The following UBR3 variants were observed in gnomAD, a reference collection of about 807,000 sequenced individuals.
The protein encoded by UBR3 is ubiquitin protein ligase E3 component n-recognin 3.
UBR3 carries 85 observed loss-of-function variants against 243.2 expected under a neutral mutation model. That is an observed-to-expected ratio of 0.35 (90% confidence interval 0.29 to 0.42). The LOEUF (loss-of-function observed/expected upper bound fraction) is 0.42, where lower values mean the gene tolerates loss of function less well. UBR3 is among the 10% of genes least tolerant of loss of function. The probability of loss-of-function intolerance (pLI) is 1.00; values close to 1 mark genes in which losing one functional copy is unlikely to be tolerated. For missense variants in UBR3, 1,686 were observed against 2,300.8 expected, an observed-to-expected ratio of 0.73 and a Z score of 5.47; for synonymous variants, 748 against 799.8, an observed-to-expected ratio of 0.94 and a Z score of 1.09.
intron 19 of UBR3, among the ~76,000 whole-genome samples, chr2:169,939,252 T>C (rs1466764934): frequency 6.6e-6 from 1 of 150,824 alleles, no homozygotes; most frequent in Non-Finnish European, 1.5e-5. Flanking sequence ...TTTCCTCTAT[T>C]ACTTATTAAC....
At chr2:169,956,261 A>G (rs2087287351) in intron 23 of UBR3, among the ~76,000 whole-genome samples, 1 of 12,292 alleles carries the variant, frequency 8.1e-5, no homozygotes, top group Non-Finnish European at 2.6e-4. Context: ...GATATATTTA[A>G]CTTTTTTAGT....
In UBR3 at chr2:169,846,709, C is replaced by G. The variant is rs546285976; in HGVS notation, c.545+18657C>G. 1.4e-4 allele frequency among the ~76,000 whole-genome samples: 16 copies of G among 114,746 alleles called. 1 individual carries two copies. In the South Asian group the frequency reaches 4.5e-3, roughly 32 times the overall value. The allele number at this position is 114,746 out of a possible 152,430, so 75.3% of individuals were successfully genotyped here. A position where few individuals can be genotyped will look rare whatever the true frequency, so the allele number is the denominator to read the frequency against. ...TGGGCAACAGGGCAAGACTCTGTCT[C>G]AAAAAAAAAAAAAAAAAATCTTCTT... is the stretch of plus-strand genomic sequence containing the variant. On this transcript the variant is annotated intron_variant, in intron 1 of 38. Coordinates refer to ENST00000272793, the MANE Select transcript of UBR3 (RefSeq NM_172070.4).
intron 11 of UBR3, among the ~76,000 whole-genome samples, chr2:169,923,308 T>C (rs1045673301): frequency 2.0e-5 from 3 of 152,196 alleles, no homozygotes; most frequent in Non-Finnish European, 2.9e-5. Context: ...AGAGTCTTCT[T>C]ACAGTTTTGA....
At chr2:169,876,558 A>ATTGTG (rs1464756260) in intron 3 of UBR3, among the ~76,000 whole-genome samples, 3 of 150,260 alleles carry the variant, frequency 2.0e-5, no homozygotes, top group South Asian at 4.2e-4. Context: ...ATTGTATTGT[A>ATTGTG]TTGTATTGTA....
intron 11 of UBR3, among the ~76,000 whole-genome samples, chr2:169,920,473 G>A (rs11901073): frequency 0.5 from 64,378 of 129,612 alleles, 15,244 homozygotes; most frequent in Non-Finnish European, 0.6. Context: ...TAATAATAAA[G>A]TAAAAGCAGT....
At chr2:170,037,037 A>T (rs190941570) in intron 31 of UBR3, among the ~76,000 whole-genome samples, 1 of 152,298 alleles carries the variant, frequency 6.6e-6, no homozygotes, top group Non-Finnish European at 1.5e-5. Context: ...TTAAAACTAT[A>T]TAACGTACTT....
chr2:170,049,422 T>C (rs531892044), intron 32 of UBR3, among the ~76,000 whole-genome samples: 1 of 152,280 alleles, frequency 6.6e-6, no homozygotes, highest in East Asian at 1.9e-4. Flanking sequence ...AGAAAATCCT[T>C]GTATGAGTAG....
chr2:170,012,193 CAAA>C (rs2090104524), intron 29 of UBR3, among the ~76,000 whole-genome samples: 2 of 151,858 alleles, frequency 1.3e-5, no homozygotes, highest in Admixed American at 6.6e-5. Context: ...TTTAAAAAAA[CAAA>C]AAATTCTTTC....
chr2:169,914,851 T>C (rs1272369920), intron 11 of UBR3, among the ~76,000 whole-genome samples: 1 of 10,176 alleles, frequency 9.8e-5, no homozygotes, highest in East Asian at 0.017. Flanking sequence ...TTATCTCTTG[T>C]GTGTGTGTGT....
chr2:169,890,541 A>AGATATATATATATG, intron 5 of UBR3, among the ~76,000 whole-genome samples: 1 of 43,138 alleles, frequency 2.3e-5, no homozygotes, highest in Non-Finnish European at 3.9e-5. Context: ...AGAGAGAGAG[A>AGATATATATATATG]TATATATATA....
chr2:169,856,640 G>A (rs542905273), intron 1 of UBR3, among the ~76,000 whole-genome samples: 5 of 152,178 alleles, frequency 3.3e-5, no homozygotes, highest in Non-Finnish European at 5.9e-5. Flanking sequence ...AGACCAGCCC[G>A]GCCAACACGG....
intron 1 of UBR3, among the ~76,000 whole-genome samples, chr2:169,845,513 GTCGTCGTCGTCGTCGTCGTCT>G (rs2082440166): frequency 3.5e-5 from 5 of 141,370 alleles, no homozygotes; most frequent in East Asian, 2.0e-4. Context: ...CGTCGTCGTC[GTCGTCGTCGTCGTCGTCGTCT>G]TCTTCTTCTT....
At chr2:170,080,947 C>G (rs528567489) in intron 38 of UBR3, among the ~76,000 whole-genome samples, 2 of 152,270 alleles carry the variant, frequency 1.3e-5, no homozygotes, top group East Asian at 3.9e-4. Flanking sequence ...AATCTCAGCA[C>G]TTTGGGAGGC....
At chr2:169,895,039 AG>A (rs2084529338) in intron 6 of UBR3, 141 bp from the exon 7 acceptor site, 1 of 737,316 alleles carries the variant, frequency 1.4e-6, no homozygotes. Flanking sequence ...ATAGAAATCT[AG>A]CTTGTCAATA....
intron 23 of UBR3, among the ~76,000 whole-genome samples, chr2:169,954,420 A>T (rs948618158): frequency 5.3e-5 from 8 of 149,590 alleles, no homozygotes; most frequent in Non-Finnish European, 1.2e-4. Context: ...TTTAAAAATT[A>T]TTTGTAGAGA....
chr2:169,861,362 C>G (rs560338856), intron 1 of UBR3, among the ~76,000 whole-genome samples: 1 of 152,204 alleles, frequency 6.6e-6, no homozygotes, highest in African/African-American at 2.4e-5. Context: ...GTAATCCCAG[C>G]ACTCTGGGAG....
rs544112228 is a variant in UBR3, at chr2:169,846,167, A to G, written c.545+18115A>G. On this transcript the variant is annotated intron_variant, in intron 1 of 38. Coordinates refer to ENST00000272793, the MANE Select transcript of UBR3 (RefSeq NM_172070.4). Reference sequence around the variant, plus strand: ...ACTGAGAATGGTGTTGAAGTCTCCAAATATAACCGTGGATTTGTCTCTATT... The same window carrying G: ...ACTGAGAATGGTGTTGAAGTCTCCAGATATAACCGTGGATTTGTCTCTATT... 2.1e-3 allele frequency among the ~76,000 whole-genome samples: 325 copies of G among 152,220 alleles called. 1 individual carries two copies. Among genetic ancestry groups the G allele is most frequent in the African/African-American group, 7.5e-3 (313 of 41,544 alleles).
At chr2:170,012,256 G>A (rs1346749990) in intron 29 of UBR3, among the ~76,000 whole-genome samples, 1 of 152,050 alleles carries the variant, frequency 6.6e-6, no homozygotes, top group Admixed American at 6.6e-5. Flanking sequence ...TGGGTTTAAG[G>A]GAATGGAAGA....
chr2:170,039,025 A>C (rs1206811947), intron 31 of UBR3, among the ~76,000 whole-genome samples: 7 of 152,150 alleles, frequency 4.6e-5, no homozygotes, highest in Non-Finnish European at 8.8e-5. Context: ...TACAGTCATC[A>C]GTGTATAGCT....
Sources: gnomAD v4.1 joint callset for allele counts (sites outside exome capture counted in the v4.1 genomes callset) on GRCh38, gnomAD v4.1.1 for gene constraint, MANE v1.5 for transcripts, NCBI Gene and HGNC (gene_info 2026-07-23, HGNC 2026-07-21) for gene names.